NPAS3: variants seen among roughly 807,000 people sequenced by gnomAD.
NPAS3 encodes neuronal PAS domain protein 3.
In NPAS3, 14 loss-of-function variants were observed where a neutral mutation model predicts 73.1. That is an observed-to-expected ratio of 0.19 (90% CI 0.13 to 0.30). The LOEUF (loss-of-function observed/expected upper bound fraction) is 0.30. NPAS3 is among the 10% of genes least tolerant of loss of function. NPAS3 has a pLI of 1.00. For missense variants in NPAS3, 1,096 were observed against 1,250.0 expected (o/e 0.88, Z 1.86); for synonymous variants, 620 against 541.5 (o/e 1.14, Z -2.01).
chr14:33,435,056 T>C (rs2048932174), intron 4 of NPAS3, among the ~76,000 whole-genome samples: 1 of 152,222 alleles, frequency 6.6e-6, no homozygotes, highest in East Asian at 1.9e-4. Context: ...TCAGTGATCT[T>C]AGTCTCTCAG....
intron 4 of NPAS3, among the ~76,000 whole-genome samples, chr14:33,461,951 G>C (rs8006280): frequency 0.026 from 4,009 of 152,266 alleles, 156 homozygotes; most frequent in African/African-American, 0.091. Flanking sequence ...AGAAGTCAAG[G>C]GTTGTGAATG....
intron 5 of NPAS3, among the ~76,000 whole-genome samples, chr14:33,672,378 A>C (rs2059634914): frequency 1.3e-5 from 2 of 152,208 alleles, no homozygotes; most frequent in South Asian, 4.1e-4. Context: ...AAGTAAAAGA[A>C]ATTTTTTTTT....
chr14:33,459,726 T>C (rs2050174681), intron 4 of NPAS3, among the ~76,000 whole-genome samples: 1 of 152,216 alleles, frequency 6.6e-6, no homozygotes, highest in Non-Finnish European at 1.5e-5. Context: ...ATATCGTATT[T>C]TGAAGGCAAA....
chr14:33,498,933 A>AGTGTGTGTGTGT (rs1466938045), intron 4 of NPAS3, among the ~76,000 whole-genome samples: 1 of 76,964 alleles, frequency 1.3e-5, no homozygotes, highest in African/African-American at 5.5e-5. Context: ...AGACAGAGAG[A>AGTGTGTGTGTGT]GAGTGTGTGT....
chr14:33,783,764 C>G (rs886529346), intron 9 of NPAS3, among the ~76,000 whole-genome samples: 3 of 152,110 alleles, frequency 2.0e-5, no homozygotes, highest in Non-Finnish European at 4.4e-5. Flanking sequence ...TCAGCACCCC[C>G]TGGGAACTCA....
At chr14:33,160,295 C>G (rs1054196157) in intron 2 of NPAS3, among the ~76,000 whole-genome samples, 3 of 152,030 alleles carry the variant, frequency 2.0e-5, no homozygotes, top group African/African-American at 4.8e-5. Flanking sequence ...AATATAAAAT[C>G]TATCTTTTTG....
chr14:33,764,567 G>T (rs1281388647), intron 7 of NPAS3, among the ~76,000 whole-genome samples: 1 of 152,204 alleles, frequency 6.6e-6, no homozygotes, highest in African/African-American at 2.4e-5. Context: ...TTTCTTCCTT[G>T]CCTGACGTGG....
At chr14:33,569,272 A>G (rs912113551) in intron 5 of NPAS3, among the ~76,000 whole-genome samples, 2 of 152,188 alleles carry the variant, frequency 1.3e-5, no homozygotes, top group Non-Finnish European at 1.5e-5. Flanking sequence ...TTCAATAACT[A>G]TGCAAACTTT....
At chr14:33,273,913 C>G (rs960504901) in intron 3 of NPAS3, among the ~76,000 whole-genome samples, 1 of 152,102 alleles carries the variant, frequency 6.6e-6, no homozygotes, top group African/African-American at 2.4e-5. Flanking sequence ...ATACTGATTT[C>G]TCATCTAAAT....
At chr14:33,334,977 G>A in intron 3 of NPAS3, among the ~76,000 whole-genome samples, 1 of 151,572 alleles carries the variant, frequency 6.6e-6, no homozygotes. Context: ...ATTCCATCCA[G>A]GTTGCAATGA....
At chr14:33,164,452 T>C (rs1412685002) in intron 2 of NPAS3, among the ~76,000 whole-genome samples, 1 of 152,130 alleles carries the variant, frequency 6.6e-6, no homozygotes, top group Non-Finnish European at 1.5e-5. Flanking sequence ...GTCACAAATA[T>C]TCCCAGTTGT....
At chr14:33,586,973 G>A (rs1014005869) in intron 5 of NPAS3, among the ~76,000 whole-genome samples, 3 of 152,152 alleles carry the variant, frequency 2.0e-5, no homozygotes, top group South Asian at 2.1e-4. Context: ...TGAGAGTTCC[G>A]TGATAATCCG....
chr14:33,288,270 C>T (rs2041958779), intron 3 of NPAS3, among the ~76,000 whole-genome samples: 1 of 152,034 alleles, frequency 6.6e-6, no homozygotes, highest in South Asian at 2.1e-4. Context: ...CTGCTTTGGC[C>T]CTTGTGCATT....
intron 4 of NPAS3, among the ~76,000 whole-genome samples, chr14:33,505,772 T>C (rs1212058145): frequency 5.3e-5 from 8 of 151,964 alleles, no homozygotes; most frequent in Non-Finnish European, 1.2e-4. Flanking sequence ...TGCATTCAAA[T>C]GCCCTGATGT....
At chr14:33,199,073 G>A (rs866524972) in intron 2 of NPAS3, among the ~76,000 whole-genome samples, 1 of 152,156 alleles carries the variant, frequency 6.6e-6, no homozygotes, top group Non-Finnish European at 1.5e-5. Flanking sequence ...TGGAACTTGC[G>A]CTGGCCTGCG....
At chr14:33,088,917 T>C (rs1195309733) in intron 2 of NPAS3, among the ~76,000 whole-genome samples, 1 of 152,128 alleles carries the variant, frequency 6.6e-6, no homozygotes, top group East Asian at 1.9e-4. Flanking sequence ...GCAGACAGGG[T>C]CTGGAGTGGA....
At chr14:32,973,056 A>C (rs1437908674) in intron 1 of NPAS3, among the ~76,000 whole-genome samples, 3 of 152,138 alleles carry the variant, frequency 2.0e-5, no homozygotes, top group Non-Finnish European at 2.9e-5. Context: ...TTTTGCATTG[A>C]CTGTTAGGGT....
At chr14:33,667,149 A>G (rs933498179) in intron 5 of NPAS3, among the ~76,000 whole-genome samples, 7 of 152,206 alleles carry the variant, frequency 4.6e-5, no homozygotes, top group Non-Finnish European at 1.0e-4. Flanking sequence ...ATTTTTGTAC[A>G]AAGTATTTAA....
chr14:33,794,814 T>C (rs1006773474), intron 10 of NPAS3, among the ~76,000 whole-genome samples: 4 of 152,120 alleles, frequency 2.6e-5, no homozygotes, highest in African/African-American at 7.2e-5. Flanking sequence ...GACCCACAGA[T>C]TGGGCCATCT....
Sources: gnomAD v4.1 joint callset for allele counts (sites outside exome capture counted in the v4.1 genomes callset) on GRCh38, gnomAD v4.1.1 for gene constraint, MANE v1.5 for transcripts, NCBI Gene and HGNC (gene_info 2026-07-23, HGNC 2026-07-21) for gene names.